The following KCNH5 variants were observed in gnomAD, a reference collection of about 807,000 sequenced individuals.
KCNH5 encodes voltage-gated delayed rectifier potassium channel KCNH5.
In KCNH5, 46 loss-of-function variants were observed where a neutral mutation model predicts 96.1. That is an observed-to-expected ratio of 0.48 (90% confidence interval 0.38 to 0.61). KCNH5 has a LOEUF of 0.61. KCNH5 is among the 20% of genes least tolerant of loss of function. The pLI is 0.00. For synonymous variants in KCNH5, 439 were observed against 449.8 expected (o/e 0.98, Z 0.30); for missense variants, 907 against 1,225.8 (o/e 0.74, Z 3.88).
intron 8 of KCNH5, among the ~76,000 whole-genome samples, chr14:62,814,171 GAGACCTA>G (rs2140010145): frequency 6.6e-6 from 1 of 152,328 alleles, no homozygotes; most frequent in South Asian, 2.1e-4. Context: ...ATATAAAAAT[GAGACCTA>G]AAGTTTTTGC....
intron 7 of KCNH5, among the ~76,000 whole-genome samples, chr14:62,937,085 C>T (rs1017162375): frequency 6.6e-6 from 1 of 151,862 alleles, no homozygotes; most frequent in African/African-American, 2.4e-5. Flanking sequence ...TGTACAAATC[C>T]GGGGCCACTT....
intron 6 of KCNH5, among the ~76,000 whole-genome samples, chr14:62,980,009 A>G (rs1213811202): frequency 6.6e-6 from 1 of 152,128 alleles, no homozygotes; most frequent in Non-Finnish European, 1.5e-5. Flanking sequence ...AGTTTTCCCC[A>G]TGCTGTTCCC....
intron 1 of KCNH5, among the ~76,000 whole-genome samples, chr14:63,036,638 A>G (rs1594686896): frequency 6.6e-6 from 1 of 152,306 alleles, no homozygotes; most frequent in East Asian, 1.9e-4. Context: ...GGCACAGAGA[A>G]GATAAAGTTT....
In KCNH5 at chr14:62,818,114, G is replaced by A. The variant is rs866173706; in HGVS notation, c.1570-15533C>T. Among the ~76,000 whole-genome samples, 9 of 125,968 alleles carry A rather than the reference G, an allele frequency of 7.1e-5. 2 individuals carry two copies. In the East Asian group the frequency reaches 8.3e-4, roughly 12 times the overall value. The allele number at this position is 125,968 out of a possible 152,430, so 82.6% of individuals were successfully genotyped here. On this transcript the variant is annotated intron_variant, in intron 8 of 10. Coordinates refer to ENST00000322893, the MANE Select transcript of KCNH5 (RefSeq NM_139318.5). ...TGGCTACCAGGAGCTGGGGGCGGGG[G>A]GGGGGTGGAAGAAATGGGGAGATGT...
At chr14:62,955,267 G>A (rs1468006424) in intron 6 of KCNH5, among the ~76,000 whole-genome samples, 1 of 152,096 alleles carries the variant, frequency 6.6e-6, no homozygotes, top group Non-Finnish European at 1.5e-5. Context: ...AGGGATAGAA[G>A]GATGCAAACA....
At chr14:62,846,527 T>C (rs2140042259) in intron 8 of KCNH5, among the ~76,000 whole-genome samples, 1 of 151,934 alleles carries the variant, frequency 6.6e-6, no homozygotes, top group African/African-American at 2.4e-5. Flanking sequence ...TTGCATTTAA[T>C]TCTCAGTTTT....
At chr14:62,942,692 C>A (rs939260452) in intron 7 of KCNH5, among the ~76,000 whole-genome samples, 1 of 152,194 alleles carries the variant, frequency 6.6e-6, no homozygotes, top group Non-Finnish European at 1.5e-5. Flanking sequence ...TACTGCATTA[C>A]AGATCATACT....
intron 7 of KCNH5, among the ~76,000 whole-genome samples, chr14:62,935,482 G>A (rs975498426): frequency 2.0e-5 from 3 of 152,170 alleles, no homozygotes; most frequent in Non-Finnish European, 4.4e-5. Flanking sequence ...AGACAGACTG[G>A]AGGAAAAAGG....
At chr14:62,938,851 A>G (rs904660877) in intron 7 of KCNH5, among the ~76,000 whole-genome samples, 2 of 152,218 alleles carry the variant, frequency 1.3e-5, no homozygotes, top group Admixed American at 6.5e-5. Context: ...TTCTAAGCCA[A>G]TGCTACCTTT....
At chr14:62,809,444 T>C (rs1886831098) in intron 8 of KCNH5, among the ~76,000 whole-genome samples, 1 of 152,112 alleles carries the variant, frequency 6.6e-6, no homozygotes, top group African/African-American at 2.4e-5. Flanking sequence ...ACAGTCCCTT[T>C]ACAGGGTTTC....
At chr14:62,864,944 C>G (rs1162966153) in intron 7 of KCNH5, among the ~76,000 whole-genome samples, 1 of 152,034 alleles carries the variant, frequency 6.6e-6, no homozygotes, top group Non-Finnish European at 1.5e-5. Context: ...TGCCACAATC[C>G]CAGGAGGCTA....
intron 4 of KCNH5, among the ~76,000 whole-genome samples, chr14:62,994,177 A>C (rs527951363): frequency 6.6e-6 from 1 of 152,020 alleles, no homozygotes; most frequent in African/African-American, 2.4e-5. Flanking sequence ...ACATAGTATA[A>C]TTACTCATAT....
intron 7 of KCNH5, among the ~76,000 whole-genome samples, chr14:62,947,633 C>T (rs1033492530): frequency 1.2e-4 from 19 of 152,106 alleles, no homozygotes; most frequent in East Asian, 3.9e-4. Flanking sequence ...TTCCAGCAAA[C>T]GCCCTTGGAG....
At chr14:62,909,492 T>A (rs58708401) in intron 7 of KCNH5, among the ~76,000 whole-genome samples, 7,877 of 152,180 alleles carry the variant, frequency 0.052, 661 homozygotes, top group African/African-American at 0.18. Context: ...AAAAGAAACA[T>A]CATGATCAGG....
chr14:62,930,826 T>C (rs1235220792), intron 7 of KCNH5, among the ~76,000 whole-genome samples: 2 of 152,140 alleles, frequency 1.3e-5, no homozygotes, highest in African/African-American at 2.4e-5. Context: ...ATGAGTATAA[T>C]AGAAACCTGA....
At chr14:62,916,026 C>G (rs1889267866) in intron 7 of KCNH5, among the ~76,000 whole-genome samples, 1 of 146,724 alleles carries the variant, frequency 6.8e-6, no homozygotes, top group African/African-American at 2.5e-5. Flanking sequence ...GATCTTGGCT[C>G]ACTGCAAGCT....
intron 10 of KCNH5, among the ~76,000 whole-genome samples, chr14:62,713,553 AAG>A (rs1884618742): frequency 6.6e-6 from 1 of 152,244 alleles, no homozygotes; most frequent in African/African-American, 2.4e-5. Flanking sequence ...ACTGCAAGGT[AAG>A]AGAGTATAGG....
rs141806791 is a variant in KCNH5 at position 62,699,652 on chromosome 14, G to T, written c.*7856C>A. 2.0e-4 allele frequency: 31 copies of T among 152,066 alleles called. No individual in the cohort carries two copies. Among genetic ancestry groups the T allele is most frequent in the African/African-American group, 7.2e-4 (30 of 41,426 alleles). The allele number at this position is 152,066 out of a possible 1,614,324, so 9.4% of individuals were successfully genotyped here. On this transcript the variant is annotated 3_prime_UTR_variant, in exon 11 of 11. Transcript: ENST00000322893. ...AAATGACCATTTTTTGAGAACAAAC[G>T]TTAAATAAAGTGATAATCACCACAA...
intron 7 of KCNH5, among the ~76,000 whole-genome samples, chr14:62,896,731 G>A (rs1235028916): frequency 6.6e-6 from 1 of 152,090 alleles, no homozygotes; most frequent in African/African-American, 2.4e-5. Context: ...CCTTCGTGAG[G>A]TCACAGGTAG....
Sources: allele counts gnomAD v4.1 joint callset (sites outside exome capture counted in the v4.1 genomes callset), GRCh38; gene constraint gnomAD v4.1.1; transcripts MANE v1.5; gene names NCBI Gene and HGNC (gene_info 2026-07-23, HGNC 2026-07-21).